Variants in CEP135 observed in about 807,000 individuals in gnomAD.
CEP135 encodes the protein centrosomal protein 135, also known as centrosomal protein of 135 kDa.
In CEP135, 142 loss-of-function variants were observed where a neutral mutation model predicts 157.3. The ratio of observed to expected loss-of-function variants is 0.90; its 90% CI spans 0.79 to 1.04. The LOEUF is 1.04. Among genes scored for constraint, CEP135 ranks in the 50% least tolerant of loss-of-function variants. The probability of loss-of-function intolerance (pLI) is 0.00; values close to 1 mark genes in which losing one functional copy is unlikely to be tolerated. For missense variants in CEP135, 1,317 were observed against 1,309.2 expected, an observed-to-expected ratio of 1.01 and a Z score of -0.09; for synonymous variants, 396 against 439.8, an observed-to-expected ratio of 0.90 and a Z score of 1.25.
rs1729401354 is a variant in CEP135 at position 55,981,349 on chromosome 4, A to G, written c.1749A>G (p.Ala583=). 1 of 1,583,272 alleles carries G rather than the reference A, an allele frequency of 6.3e-7. No individual in the cohort carries two copies. The highest frequency in any genetic ancestry group is 8.5e-7 in the Non-Finnish European group (1 of 1,171,584). Residue 583 remains alanine, a synonymous_variant, in exon 13 of 26, where the codon GCA becomes GCG. Coordinates refer to ENST00000257287, the MANE Select transcript of CEP135 (RefSeq NM_025009.5). Reference sequence around the variant, plus strand: ...TATCTGACTTAAGAAGAATTATGGCAGAAAAGGAAGCTTTAAGAGAAAAAT... The same window carrying G: ...TATCTGACTTAAGAAGAATTATGGCGGAAAAGGAAGCTTTAAGAGAAAAAT... ...LALSDLRRIM[A]EKEALREKLE...
At position 56,010,311 on chromosome 4, in the gene CEP135, G is replaced by A. The variant is rs538329548; in HGVS notation, c.2505+408G>A. On this transcript the variant is annotated intron_variant, in intron 19 of 25. Coordinates refer to ENST00000257287, the MANE Select transcript of CEP135 (RefSeq NM_025009.5). ...CTGGAGGCAGAGGTTGCAGTGAGCCGAGATCGTGCCACTGCACTCCAGCCT... is the reference window on the plus strand; with the variant it reads ...CTGGAGGCAGAGGTTGCAGTGAGCCAAGATCGTGCCACTGCACTCCAGCCT... Among the ~76,000 whole-genome samples the A allele has an allele frequency of 5.7e-3, 837 of 147,896 alleles. 6 individuals carry two copies. The highest frequency in any genetic ancestry group is 0.02 in the African/African-American group (781 of 40,016).
rs1350919061 is a variant in CEP135 at position 56,032,426 on chromosome 4, C to G, written c.*1078C>G. On this transcript the variant is annotated 3_prime_UTR_variant, in exon 26 of 26. Transcript: ENST00000257287. Reference sequence around the variant, plus strand: ...TGCCATTGCACTCCAGCCTGGGTGACAGAGTAACACTCTGTCTCAGAAAAA... The same window carrying G: ...TGCCATTGCACTCCAGCCTGGGTGAGAGAGTAACACTCTGTCTCAGAAAAA... 6.8e-6 allele frequency: 1 copy of G among 147,370 alleles called. No individual in the cohort carries two copies. The highest frequency in any genetic ancestry group is 2.5e-5 in the African/African-American group (1 of 39,636). The allele number at this position is 147,370 out of a possible 1,614,324, so 9.1% of individuals were successfully genotyped here.
At chr4:55,952,917 C>T (rs906611705) in intron 2 of CEP135, among the ~76,000 whole-genome samples, 168 bp from the exon 3 acceptor site, 4 of 152,194 alleles carry the variant, frequency 2.6e-5, no homozygotes, top group African/African-American at 9.7e-5. Flanking sequence ...TCAGCTGCCC[C>T]CATTATAAAT....
At chr4:55,986,900 T>C (rs990475215) in intron 14 of CEP135, among the ~76,000 whole-genome samples, 13 of 152,358 alleles carry the variant, frequency 8.5e-5, no homozygotes, top group Middle Eastern at 3.4e-3. Flanking sequence ...CACCTCATCA[T>C]GGATTATATT....
chr4:56,030,513 T>G (rs754755451), intron 25 of CEP135, among the ~76,000 whole-genome samples: 7 of 152,206 alleles, frequency 4.6e-5, no homozygotes, highest in Non-Finnish European at 8.8e-5. Context: ...AGAGGTGCAG[T>G]GTGCCATCAG....
chr4:56,022,293 A>G (rs1033356059), intron 24 of CEP135, among the ~76,000 whole-genome samples: 1 of 152,078 alleles, frequency 6.6e-6, no homozygotes, highest in Non-Finnish European at 1.5e-5. Context: ...CCTCATGACC[A>G]TGTCTTTCTT....
At chr4:55,981,745 A>G (rs1283935713) in intron 13 of CEP135, among the ~76,000 whole-genome samples, 1 of 152,214 alleles carries the variant, frequency 6.6e-6, no homozygotes, top group African/African-American at 2.4e-5. Context: ...AGATATTCAC[A>G]TACCATACAA....
At chr4:55,995,007 ATAGAGAATCTTTTGT>A (rs1729922107) in intron 15 of CEP135, among the ~76,000 whole-genome samples, 1 of 152,184 alleles carries the variant, frequency 6.6e-6, no homozygotes, top group African/African-American at 2.4e-5. Context: ...AATTGTCCAA[ATAGAGAATCTTTTGT>A]CTAGTTTCTT....
chr4:55,964,482 G>C lies in CEP135; in HGVS notation c.828+80G>C, dbSNP rs538620327. On this transcript the variant is annotated intron_variant, in intron 7 of 25. Coordinates refer to ENST00000257287, the MANE Select transcript of CEP135 (RefSeq NM_025009.5). ...CACTATATGTTTATAATGGTCTATG[G>C]GTTTGTAAAAGTGGCAGGAGTTGTT... is the stretch of plus-strand genomic sequence containing the variant. 6.0e-4 allele frequency: 702 copies of C among 1,175,202 alleles called. 7 individuals carry two copies. The African/African-American group carries it at 9.6e-3, about 16-fold the overall frequency. The allele number at this position is 1,175,202 out of a possible 1,614,324, so 72.8% of individuals were successfully genotyped here.
intron 6 of CEP135, among the ~76,000 whole-genome samples, chr4:55,963,607 G>C (rs924679514): frequency 6.6e-6 from 1 of 152,132 alleles, no homozygotes; most frequent in Non-Finnish European, 1.5e-5. Context: ...TTAGCCAGGC[G>C]TGGTGGCACA....
At chr4:56,026,529 T>C (rs529482716) in intron 25 of CEP135, among the ~76,000 whole-genome samples, 1 of 152,328 alleles carries the variant, frequency 6.6e-6, no homozygotes, top group East Asian at 1.9e-4. Context: ...TTCACTCTTG[T>C]TGCTGTGTAT....
chr4:55,964,906 C>A (rs540076831), intron 7 of CEP135: 4 of 151,594 alleles, frequency 2.6e-5, no homozygotes, highest in African/African-American at 9.7e-5. Flanking sequence ...TAGTGGATTC[C>A]TTTGCCATGC....
chr4:55,969,414 C>T lies in CEP135; in HGVS notation c.1110+286C>T, dbSNP rs1476706477. Among the ~76,000 whole-genome samples, 92 of 133,346 alleles carry T rather than the reference C, an allele frequency of 6.9e-4. 1 individual carries two copies. Among genetic ancestry groups the T allele is most frequent in the Admixed American group, 1.7e-4 (2 of 12,066 alleles). The allele number at this position is 133,346 out of a possible 152,430, so 87.5% of individuals were successfully genotyped here. On this transcript the variant is annotated intron_variant, in intron 9 of 25. Coordinates refer to ENST00000257287, the MANE Select transcript of CEP135 (RefSeq NM_025009.5). ...TGCACTCCAGCCTGGGCAACAAGAG[C>T]GAAACTCCATCTTTAAAAAAAAAAA...
chr4:55,962,162 C>A (rs991564371), intron 6 of CEP135, among the ~76,000 whole-genome samples: 2 of 152,056 alleles, frequency 1.3e-5, no homozygotes, highest in African/African-American at 4.8e-5. Flanking sequence ...TGCAGTGGCG[C>A]GATCTCGGCT....
At chr4:56,000,126 A>T (rs1385962096) in intron 17 of CEP135, among the ~76,000 whole-genome samples, 2 of 151,934 alleles carry the variant, frequency 1.3e-5, no homozygotes, top group Non-Finnish European at 2.9e-5. Flanking sequence ...AGGGGCGGAG[A>T]TTGCACTGAA....
chr4:55,976,246 A>AAAGAAAG (rs1553890405), intron 11 of CEP135, among the ~76,000 whole-genome samples: 1 of 150,874 alleles, frequency 6.6e-6, no homozygotes, highest in Admixed American at 6.6e-5. Context: ...AAAAAAAAAA[A>AAAGAAAG]AAAGAAAGAA....
intron 10 of CEP135, among the ~76,000 whole-genome samples, chr4:55,972,797 C>T (rs987333081): frequency 6.6e-6 from 1 of 152,000 alleles, no homozygotes; most frequent in Non-Finnish European, 1.5e-5. Flanking sequence ...TTTGGGAGGC[C>T]GAGGCAGGCG....
chr4:55,979,155 A>C (rs373179507), intron 11 of CEP135, among the ~76,000 whole-genome samples: 9 of 152,324 alleles, frequency 5.9e-5, no homozygotes, highest in African/African-American at 2.2e-4. Flanking sequence ...TCATATTATC[A>C]AATTATCCCT....
intron 20 of CEP135, 70 bp downstream of exon 20, chr4:56,011,592 T>C: frequency 9.4e-7 from 1 of 1,068,266 alleles, no homozygotes; most frequent in South Asian, 1.4e-5. Context: ...CATGTGCCTC[T>C]ACAATTAGAT....
Sources: gnomAD v4.1 joint callset for allele counts (sites outside exome capture counted in the v4.1 genomes callset) on GRCh38, gnomAD v4.1.1 for gene constraint, MANE v1.5 for transcripts, NCBI Gene and HGNC (gene_info 2026-07-23, HGNC 2026-07-21) for gene names.